The following ERICH3 variants were observed in gnomAD, a reference collection of about 807,000 sequenced individuals.
The protein encoded by ERICH3 is glutamate rich 3.
Under a neutral mutation model 131.1 loss-of-function variants are expected in ERICH3, and 126 were observed. The ratio of observed to expected loss-of-function variants is 0.96; its 90% CI spans 0.83 to 1.11. The LOEUF (loss-of-function observed/expected upper bound fraction) is 1.11. ERICH3 is among the 50% of genes most tolerant of loss of function. The probability of loss-of-function intolerance (pLI) is 0.00; values close to 1 mark genes in which losing one functional copy is unlikely to be tolerated. For synonymous variants in ERICH3, 695 were observed against 644.6 expected (o/e 1.08, Z -1.18); for missense variants, 2,050 against 1,810.7 (o/e 1.13, Z -2.40).
intron 11 of ERICH3, among the ~76,000 whole-genome samples, chr1:74,594,375 G>A (rs577926955): frequency 6.6e-6 from 1 of 151,588 alleles, no homozygotes; most frequent in East Asian, 1.9e-4. Context: ...CTGACCAAGG[G>A]CACCAGCCAC....
chr1:74,616,441 AACT>A (rs1648969968), intron 8 of ERICH3, among the ~76,000 whole-genome samples: 1 of 152,200 alleles, frequency 6.6e-6, no homozygotes, highest in Non-Finnish European at 1.5e-5. Context: ...ATCCCTGGCT[AACT>A]GGAAGTGGCA....
intron 1 of ERICH3, among the ~76,000 whole-genome samples, chr1:74,668,873 C>G (rs1284121108): frequency 6.6e-6 from 1 of 152,106 alleles, no homozygotes; most frequent in East Asian, 1.9e-4. Context: ...GACTTAAAGT[C>G]TGAAATTCTG....
intron 13 of ERICH3, among the ~76,000 whole-genome samples, chr1:74,574,104 C>T (rs1000488170): frequency 6.6e-6 from 1 of 151,484 alleles, no homozygotes; most frequent in African/African-American, 2.4e-5. Flanking sequence ...AATCTTCCTG[C>T]CTCAGCCTCT....
chr1:74,667,501 G>A (rs1646703209), intron 1 of ERICH3, among the ~76,000 whole-genome samples: 1 of 152,156 alleles, frequency 6.6e-6, no homozygotes, highest in South Asian at 2.1e-4. Context: ...AAGGTTAGAA[G>A]ATTATTTCAG....
chr1:74,591,624 G>A (rs1326798183), intron 11 of ERICH3, among the ~76,000 whole-genome samples: 1 of 152,108 alleles, frequency 6.6e-6, no homozygotes, highest in African/African-American at 2.4e-5. Flanking sequence ...CTACAGATTC[G>A]CAGTCTAGAA....
At position 74,612,823 on chromosome 1, in the gene ERICH3, A is replaced by G; in HGVS notation, c.1001-14T>C. On this transcript the variant is annotated splice_polypyrimidine_tract_variant and intron_variant, in intron 8 of 14. Coordinates refer to ENST00000326665, the MANE Select transcript of ERICH3 (RefSeq NM_001002912.5). ...ACTGAAAGGTCTCTGGAATTAAAAT[A>G]GAAATACATTAGTGAAAGCAACTGA... 1 of 1,554,490 alleles carries G rather than the reference A, an allele frequency of 6.4e-7. No individual in the cohort carries two copies. Among genetic ancestry groups the G allele is most frequent in the Non-Finnish European group, 8.8e-7 (1 of 1,137,476 alleles).
intron 9 of ERICH3, among the ~76,000 whole-genome samples, chr1:74,607,387 A>G (rs769859362): frequency 1.3e-5 from 2 of 152,052 alleles, no homozygotes; most frequent in Non-Finnish European, 2.9e-5. Context: ...GCAAGATGCC[A>G]TTCAGTCTGA....
intron 12 of ERICH3, chr1:74,579,452 C>A: frequency 1.0e-6 from 1 of 985,356 alleles, no homozygotes; most frequent in Non-Finnish European, 1.2e-6. Flanking sequence ...GGGATGTTAT[C>A]ACCACTTGCC....
At chr1:74,652,852 C>T (rs906844404) in intron 1 of ERICH3, among the ~76,000 whole-genome samples, 1 of 152,166 alleles carries the variant, frequency 6.6e-6, no homozygotes. Flanking sequence ...ATGAACAAGA[C>T]TATCTACCCA....
chr1:74,610,408 T>C (rs577370538), intron 9 of ERICH3, among the ~76,000 whole-genome samples: 1 of 146,442 alleles, frequency 6.8e-6, no homozygotes, highest in East Asian at 2.0e-4. Flanking sequence ...ATGCCTTCTT[T>C]CTTTCCTCCC....
chr1:74,641,527 T>A, intron 4 of ERICH3, 68 bp from the exon 5 acceptor site: 2 of 1,491,398 alleles, frequency 1.3e-6, no homozygotes, highest in Non-Finnish European at 1.8e-6. Context: ...ATGCATGACA[T>A]GTGCGAAATA....
At chr1:74,651,223 C>T (rs1165993244) in intron 1 of ERICH3, among the ~76,000 whole-genome samples, 1 of 151,994 alleles carries the variant, frequency 6.6e-6, no homozygotes, top group Non-Finnish European at 1.5e-5. Context: ...CTCTTTTCTC[C>T]TTAACAGCCC....
intron 11 of ERICH3, among the ~76,000 whole-genome samples, chr1:74,592,805 C>G (rs1426242427): frequency 6.6e-6 from 1 of 152,104 alleles, no homozygotes; most frequent in Non-Finnish European, 1.5e-5. Flanking sequence ...TAGTTTCACT[C>G]TCATTTCTTT....
chr1:74,667,427 G>T (rs1420778240), intron 1 of ERICH3, among the ~76,000 whole-genome samples: 1 of 152,112 alleles, frequency 6.6e-6, no homozygotes, highest in East Asian at 1.9e-4. Context: ...AGCCATAGCA[G>T]GGGAAATTCC....
intron 7 of ERICH3, among the ~76,000 whole-genome samples, chr1:74,629,284 T>C (rs1427788787): frequency 6.6e-6 from 1 of 150,612 alleles, no homozygotes; most frequent in Non-Finnish European, 1.5e-5. Flanking sequence ...AGGTAGAAAG[T>C]AGGAGAGAAA....
rs897150727 is a variant in ERICH3, at chr1:74,568,859, G to A, written c.*1599C>T. 1 of 152,144 alleles carries A rather than the reference G, an allele frequency of 6.6e-6. No individual in the cohort carries two copies. The highest frequency in any genetic ancestry group is 1.5e-5 in the Non-Finnish European group (1 of 68,008). The allele number at this position is 152,144 out of a possible 1,614,324, so 9.4% of individuals were successfully genotyped here. On this transcript the variant is annotated 3_prime_UTR_variant, in exon 15 of 15. Coordinates refer to ENST00000326665, the MANE Select transcript of ERICH3 (RefSeq NM_001002912.5). Reference sequence around the variant, plus strand: ...AGTTTTTGGACATCAGTGTACATCAGTATTAACTGCAGGGCTTGTTAAGCT... The same window carrying A: ...AGTTTTTGGACATCAGTGTACATCAATATTAACTGCAGGGCTTGTTAAGCT...
At chr1:74,591,458 T>C (rs1268924696) in intron 11 of ERICH3, among the ~76,000 whole-genome samples, 1 of 152,118 alleles carries the variant, frequency 6.6e-6, no homozygotes, top group African/African-American at 2.4e-5. Context: ...GAATGTAAAC[T>C]CTCTGGCATT....
At position 74,577,068 on chromosome 1, in the gene ERICH3, A is replaced by G. The variant is rs914062976; in HGVS notation, c.2177-132T>C. Reference sequence around the variant, plus strand: ...TGTTCAACTATCTGGGAGGCAGGCTATTGAAAGAAGACTGATCTGAAAATT... The same window carrying G: ...TGTTCAACTATCTGGGAGGCAGGCTGTTGAAAGAAGACTGATCTGAAAATT... On this transcript the variant is annotated intron_variant, in intron 12 of 14. Coordinates refer to ENST00000326665, the MANE Select transcript of ERICH3 (RefSeq NM_001002912.5). 3 of 702,666 alleles carry G rather than the reference A, an allele frequency of 4.3e-6. No homozygotes were observed. The African/African-American group carries it at 5.4e-5, about 13-fold the overall frequency. The allele number at this position is 702,666 out of a possible 1,614,324, so 43.5% of individuals were successfully genotyped here. A position where few individuals can be genotyped will look rare whatever the true frequency, so the allele number is the denominator to read the frequency against.
intron 1 of ERICH3, among the ~76,000 whole-genome samples, chr1:74,665,140 C>T (rs1646677994): frequency 6.6e-6 from 1 of 151,940 alleles, no homozygotes; most frequent in African/African-American, 2.4e-5. Context: ...GCTCTCTCAC[C>T]CCTTCTGCCA....
Sources: allele counts gnomAD v4.1 joint callset (sites outside exome capture counted in the v4.1 genomes callset), GRCh38; gene constraint gnomAD v4.1.1; transcripts MANE v1.5; gene names NCBI Gene and HGNC (gene_info 2026-07-23, HGNC 2026-07-21).